Variants in TRAPPC9 observed in about 807,000 individuals in gnomAD.
The protein encoded by TRAPPC9 is IKK2 binding protein.
TRAPPC9 carries 83 observed loss-of-function variants against 124.0 expected under a neutral mutation model. That is an observed-to-expected ratio of 0.67 (90% CI 0.56 to 0.80). The LOEUF is 0.80. TRAPPC9 is among the 30% of genes least tolerant of loss of function. TRAPPC9 has a pLI of 0.00. For synonymous variants in TRAPPC9, 638 were observed against 617.5 expected (o/e 1.03, Z -0.49); for missense variants, 1,302 against 1,508.3 (o/e 0.86, Z 2.27).
chr8:140,049,296 T>C lies in TRAPPC9; in HGVS notation c.2557-25217A>G, dbSNP rs903683707. ...CTCCTAAAACTTTTGGCAAGGAGAG[T>C]CATGCCATCTGACTTAAAAATATAA... On this transcript the variant is annotated intron_variant, in intron 17 of 22. Coordinates refer to ENST00000438773, the MANE Select transcript of TRAPPC9 (RefSeq NM_001160372.4). 3.3e-5 allele frequency among the ~76,000 whole-genome samples: 5 copies of C among 151,224 alleles called. No homozygotes were observed. In the South Asian group the frequency reaches 6.3e-4, roughly 19 times the overall value.
intron 17 of TRAPPC9, among the ~76,000 whole-genome samples, chr8:140,159,911 TA>T (rs2061716324): frequency 6.6e-6 from 1 of 152,144 alleles, no homozygotes; most frequent in African/African-American, 2.4e-5. Flanking sequence ...CTGCCCTATT[TA>T]GGCTAATATT....
chr8:139,883,920 G>A (rs1429499647), intron 21 of TRAPPC9, among the ~76,000 whole-genome samples: 4 of 152,190 alleles, frequency 2.6e-5, no homozygotes, highest in Admixed American at 6.5e-5. Context: ...GGACTGTGGT[G>A]AGGAGTGCGT....
chr8:139,908,421 A>G (rs1831500099), intron 20 of TRAPPC9, among the ~76,000 whole-genome samples: 1 of 152,142 alleles, frequency 6.6e-6, no homozygotes. Flanking sequence ...TCAGCCTATC[A>G]GAAAGACCCA....
chr8:140,300,479 G>C lies in TRAPPC9; in HGVS notation c.1758C>G (p.Asn586Lys), dbSNP rs143211873. The C allele has an allele frequency of 6.2e-7, 1 of 1,614,200 alleles. No homozygotes were observed. The highest frequency in any genetic ancestry group is 2.2e-5 in the East Asian group (1 of 44,868). Residue 586 changes from asparagine (N) to lysine (K), a missense_variant, in exon 11 of 23, where the codon AAC (asparagine) becomes AAG (lysine). Asn to Lys is a moderately conservative substitution (Grantham distance 94). This residue lies in a region of TRAPPC9 where 657 missense variants were observed against 811.2 expected (regional missense o/e 0.81). Transcript: ENST00000438773. ...GGATCGACGTCCTACCTATTTTCTT[G>C]TTCCGCTCTTCTCCACGGTTGTGTG... ...IIAHNRGEERNKKIDFQWVQG... is the reference protein window; with the variant it reads ...IIAHNRGEERKKKIDFQWVQG...
intron 15 of TRAPPC9, among the ~76,000 whole-genome samples, chr8:140,256,569 C>G (rs551003855): frequency 6.6e-6 from 1 of 152,272 alleles, no homozygotes; most frequent in African/African-American, 2.4e-5. Flanking sequence ...GGTTGCCATT[C>G]TATGTGTATT....
At chr8:140,308,557 G>C (rs1345766472) in intron 10 of TRAPPC9, among the ~76,000 whole-genome samples, 1 of 152,092 alleles carries the variant, frequency 6.6e-6, no homozygotes, top group Non-Finnish European at 1.5e-5. Flanking sequence ...TGTTTATGCA[G>C]ATGGTGGGTC....
intron 19 of TRAPPC9, among the ~76,000 whole-genome samples, chr8:139,919,508 CAAT>C (rs1199800398): frequency 2.0e-5 from 3 of 151,972 alleles, no homozygotes; most frequent in Non-Finnish European, 4.4e-5. Flanking sequence ...AATCAAATCT[CAAT>C]AAAGCTGTTA....
At chr8:140,103,830 C>G (rs909625006) in intron 17 of TRAPPC9, among the ~76,000 whole-genome samples, 2 of 152,026 alleles carry the variant, frequency 1.3e-5, no homozygotes, top group African/African-American at 2.4e-5. Context: ...CAAGAGTTAC[C>G]CAGCTAAGAA....
Position 140,182,312 on chromosome 8 carries a change from T to G in TRAPPC9, c.2556+39147A>C, listed in dbSNP as rs947324025. Among the ~76,000 whole-genome samples, 1 of 151,986 alleles carries G rather than the reference T, an allele frequency of 6.6e-6. No homozygotes were observed. The highest frequency in any genetic ancestry group is 2.4e-5 in the African/African-American group (1 of 41,330). On this transcript the variant is annotated intron_variant, in intron 17 of 22. Coordinates refer to ENST00000438773, the MANE Select transcript of TRAPPC9 (RefSeq NM_001160372.4). This position sits in a 1 kb window ranked among gnomAD's most constrained non-coding sequence, Gnocchi z 4.0. ...TAAGACCTTGGTCTATTCAACTGTT[T>G]TCTACATATTTCAACTAAAAAAAAA...
rs1415053078 is a variant in TRAPPC9 at position 140,426,622 on chromosome 8, A to T, written c.879T>A (p.Ile293=). The T allele has an allele frequency of 3.7e-6, 6 of 1,613,840 alleles. No individual in the cohort carries two copies. The African/African-American group carries it at 6.7e-5, about 18-fold the overall frequency. The change falls in exon 5 of 23, where the codon ATT becomes ATA. Residue 293 remains isoleucine, a synonymous_variant. Coordinates refer to ENST00000438773, the MANE Select transcript of TRAPPC9 (RefSeq NM_001160372.4). ...AACACATAGATCATGTACCTGGATC[A>T]ATGAGAACTTCCTGTGCCCCTGGAA... ...RHRPGAQEVL[I]DPGALTTNGI... is the part of the protein sequence containing the mutation.
intron 16 of TRAPPC9, among the ~76,000 whole-genome samples, chr8:140,226,016 T>C (rs1217921842): frequency 6.6e-6 from 1 of 152,194 alleles, no homozygotes; most frequent in African/African-American, 2.4e-5. Flanking sequence ...GTCAGAAGTT[T>C]TGGCCTGTAG....
chr8:140,187,521 A>T (rs2062379684), intron 17 of TRAPPC9, among the ~76,000 whole-genome samples: 1 of 152,154 alleles, frequency 6.6e-6, no homozygotes, highest in Admixed American at 6.5e-5. Context: ...TCATTGAAAA[A>T]ATTCCAGTTC....
At chr8:140,412,468 G>T (rs2069739387) in intron 5 of TRAPPC9, among the ~76,000 whole-genome samples, 1 of 152,118 alleles carries the variant, frequency 6.6e-6, no homozygotes, top group Admixed American at 6.5e-5. Context: ...GGTCTGGGGG[G>T]TAGATAAAGG....
chr8:139,853,716 C>A (rs555090234), intron 21 of TRAPPC9, among the ~76,000 whole-genome samples: 1 of 152,134 alleles, frequency 6.6e-6, no homozygotes, highest in African/African-American at 2.4e-5. Flanking sequence ...GGGCCAGGGG[C>A]AGGCTGGGGG....
chr8:139,834,097 C>T (rs191905302), intron 21 of TRAPPC9, among the ~76,000 whole-genome samples: 28 of 152,276 alleles, frequency 1.8e-4, no homozygotes, highest in South Asian at 4.2e-4. Flanking sequence ...TGAGAAACTC[C>T]GGTGCATAGA....
Position 140,227,547 on chromosome 8 carries a change from C to T in TRAPPC9, c.2432-5964G>A, listed in dbSNP as rs544849150. Among the ~76,000 whole-genome samples, 7 of 152,308 alleles carry T rather than the reference C, an allele frequency of 4.6e-5. No individual in the cohort carries two copies. The South Asian group carries it at 1.4e-3, about 32-fold the overall frequency. On this transcript the variant is annotated intron_variant, in intron 16 of 22. Coordinates refer to ENST00000438773, the MANE Select transcript of TRAPPC9 (RefSeq NM_001160372.4). ...TGCTCAACTTTTCTATTAAGAGCAA[C>T]TCTGTGGGAAATTCAGAAAGACAAT... is the stretch of plus-strand genomic sequence containing the variant.
At chr8:140,125,219 C>T (rs909663379) in intron 17 of TRAPPC9, among the ~76,000 whole-genome samples, 1 of 152,190 alleles carries the variant, frequency 6.6e-6, no homozygotes, top group African/African-American at 2.4e-5. Context: ...TCCCTAAGGG[C>T]CTCAAAGGTA....
intron 17 of TRAPPC9, among the ~76,000 whole-genome samples, chr8:140,174,259 A>G (rs7386236): frequency 0.83 from 125,990 of 152,038 alleles, 52,754 homozygotes; most frequent in East Asian, 0.99. Flanking sequence ...AGCAGGAAAT[A>G]TGACTAATGG....
intron 21 of TRAPPC9, among the ~76,000 whole-genome samples, chr8:139,813,151 G>A (rs1824559433): frequency 6.6e-6 from 1 of 152,232 alleles, no homozygotes; most frequent in African/African-American, 2.4e-5. Flanking sequence ...CACAAGCAGG[G>A]CGTGCCCCAG....
Sources: gnomAD v4.1 joint callset for allele counts (sites outside exome capture counted in the v4.1 genomes callset) on GRCh38, gnomAD v4.1.1 for gene constraint, gnomAD v4.1.1 regional missense constraint, Gnocchi (gnomAD v3.1) non-coding constraint, MANE v1.5 for transcripts, NCBI Gene and HGNC (gene_info 2026-07-23, HGNC 2026-07-21) for gene names.